RGS9BP: variants seen among roughly 807,000 people sequenced by gnomAD.
RGS9BP encodes the protein regulator of G protein signaling 9-binding protein.
Under a neutral mutation model 3.8 loss-of-function variants are expected in RGS9BP, and 1 was observed. The ratio of observed to expected loss-of-function variants is 0.26; its 90% CI spans 0.09 to 1.24. The LOEUF (loss-of-function observed/expected upper bound fraction) is 1.24, where lower values mean the gene tolerates loss of function less well. Ranked by LOEUF, RGS9BP falls within the 50% of genes most tolerant of loss-of-function variation. The pLI is 0.48. For synonymous variants in RGS9BP, 200 were observed against 177.8 expected (o/e 1.13, Z -1.00); for missense variants, 363 against 344.3 (o/e 1.05, Z -0.43).
rs1259517094 is a variant in RGS9BP at position 32,676,583 on chromosome 19, C to G, written c.320C>G (p.Ala107Gly). ...CTGGGCGCCGCGTTCCCGCTGCACG[C>G]GCCGCGGCGGCCGCTGGTGCGCACA... ...LELGAAFPLH[A>G]PRRPLVRTGV... The change falls in exon 1 of 1, where the codon GCG becomes GGG. Residue 107 changes from alanine (A) to glycine (G), a missense_variant. Ala to Gly is a moderately conservative substitution (Grantham distance 60). Coordinates refer to ENST00000334176, the MANE Select transcript of RGS9BP (RefSeq NM_207391.3). The G allele has an allele frequency of 7.1e-7, 1 of 1,400,546 alleles. No individual in the cohort carries two copies. The highest frequency in any genetic ancestry group is 3.6e-5 in the Admixed American group (1 of 27,650). The allele number at this position is 1,400,546 out of a possible 1,614,324, so 86.8% of individuals were successfully genotyped here. A position where few individuals can be genotyped will look rare whatever the true frequency, so the allele number is the denominator to read the frequency against.
At position 32,675,914 on chromosome 19, in the gene RGS9BP, T is replaced by G. The variant is rs1020147102; in HGVS notation, c.-350T>G. The G allele has an allele frequency of 9.0e-5, 20 of 221,952 alleles. No homozygotes were observed. Among genetic ancestry groups the G allele is most frequent in the African/African-American group, 4.1e-4 (18 of 43,684 alleles). The allele number at this position is 221,952 out of a possible 1,614,324, so 13.7% of individuals were successfully genotyped here. A position where few individuals can be genotyped will look rare whatever the true frequency, so the allele number is the denominator to read the frequency against. On this transcript the variant is annotated 5_prime_UTR_variant, in exon 1 of 1. Transcript: ENST00000334176. ...GCTCTGCAGCCTGCTTGCCCCGGAG[T>G]TGGCACCCACGGAGGATGGGGACCG...
Position 32,676,792 on chromosome 19 carries a change from G to C in RGS9BP, c.529G>C (p.Ala177Pro). 6.3e-7 allele frequency: 1 copy of C among 1,586,882 alleles called. No individual in the cohort carries two copies. The change falls in exon 1 of 1, where the codon GCC (alanine) becomes CCC (proline). Residue 177 changes from alanine to proline, a missense_variant. Physicochemically the swap from Ala to Pro is conservative, Grantham distance 27. Coordinates refer to ENST00000334176, the MANE Select transcript of RGS9BP (RefSeq NM_207391.3). Reference sequence around the variant, plus strand: ...CAACGTGCCCCGCTGGACCGTGCAAGCCCGGCAGGCGGCGGGCGCCGAGCT... The same window carrying C: ...CAACGTGCCCCGCTGGACCGTGCAACCCCGGCAGGCGGCGGGCGCCGAGCT... ...KVNVPRWTVQ[A>P]RQAAGAELLS...
In RGS9BP at chr19:32,676,028, C is replaced by T. The variant is rs931435264; in HGVS notation, c.-236C>T. 2.0e-6 allele frequency: 1 copy of T among 511,164 alleles called. No individual in the cohort carries two copies. Among genetic ancestry groups the T allele is most frequent in the Non-Finnish European group, 3.4e-6 (1 of 291,084 alleles). The allele number at this position is 511,164 out of a possible 1,614,324, so 31.7% of individuals were successfully genotyped here. On this transcript the variant is annotated 5_prime_UTR_variant, in exon 1 of 1. The change creates a new upstream start codon in the 5' untranslated region. Coordinates refer to ENST00000334176, the MANE Select transcript of RGS9BP (RefSeq NM_207391.3). ...TCGGAGTGCGCCTGGGGAGGATGGA[C>T]GAGGGAGCGGGGGACCGCTAACGGG...
rs893096775 is a variant in RGS9BP, at chr19:32,678,269, C to CCCG, written c.*1300_*1301insGCC. 1.4e-5 allele frequency: 2 copies of CCCG among 141,090 alleles called. No individual in the cohort carries two copies. The highest frequency in any genetic ancestry group is 5.8e-5 in the African/African-American group (2 of 34,304). 8.7% of individuals were successfully genotyped at this position (141,090 alleles called of 1,614,324 possible). On this transcript the variant is annotated 3_prime_UTR_variant, in exon 1 of 1. Coordinates refer to ENST00000334176, the MANE Select transcript of RGS9BP (RefSeq NM_207391.3). ...CTACTTCTGAAGTTGATAGTCTTCC[C>CCCG]CCCCCCCCACTTTTTTCTTTTTTGA... is the stretch of plus-strand genomic sequence containing the variant.
Position 32,676,156 on chromosome 19 carries a change from C to G in RGS9BP, c.-108C>G. On this transcript the variant is annotated 5_prime_UTR_variant, in exon 1 of 1. Coordinates refer to ENST00000334176, the MANE Select transcript of RGS9BP (RefSeq NM_207391.3). The stretch of plus-strand genomic sequence containing the variant: ...CGAGCGAGTCACGGACCATGAAGAG[C>G]GTTCGTGCCGCGCGGCCCAAGGCCG... 1.4e-6 allele frequency: 1 copy of G among 697,764 alleles called. No homozygotes were observed. Among genetic ancestry groups the G allele is most frequent in the Non-Finnish European group, 2.3e-6 (1 of 435,508 alleles). The allele number at this position is 697,764 out of a possible 1,614,324, so 43.2% of individuals were successfully genotyped here.
At position 32,676,684 on chromosome 19, in the gene RGS9BP, G is replaced by A; in HGVS notation, c.421G>A (p.Asp141Asn). ...TRSLRLEAEG[D>N]FDVADLRELE... is the part of the protein sequence containing the mutation. The stretch of plus-strand genomic sequence containing the variant: ...CAGCCTGCGGCTCGAGGCGGAGGGC[G>A]ACTTCGACGTCGCGGACCTGCGGGA... Residue 141 changes from aspartate to asparagine, a missense_variant, in exon 1 of 1, where the codon GAC (aspartate) becomes AAC (asparagine). By Grantham distance (23) the Asp-to-Asn change is conservative (BLOSUM62 1). Coordinates refer to ENST00000334176, the MANE Select transcript of RGS9BP (RefSeq NM_207391.3). The A allele has an allele frequency of 1.3e-6, 2 of 1,535,802 alleles. No individual in the cohort carries two copies. The highest frequency in any genetic ancestry group is 1.7e-4 in the Middle Eastern group (1 of 5,970).
chr19:32,676,198 C>A lies in RGS9BP; in HGVS notation c.-66C>A. ...CCAAGGCCGGGATGGGGGTTAGCCA[C>A]ATCCTGCCGCGCTGAGGGGGAGGCT... On this transcript the variant is annotated 5_prime_UTR_variant, in exon 1 of 1. Transcript: ENST00000334176. The A allele has an allele frequency of 8.4e-7, 1 of 1,187,694 alleles. No individual in the cohort carries two copies. Among genetic ancestry groups the A allele is most frequent in the Non-Finnish European group, 1.2e-6 (1 of 840,202 alleles). The allele number at this position is 1,187,694 out of a possible 1,614,324, so 73.6% of individuals were successfully genotyped here. A position where few individuals can be genotyped will look rare whatever the true frequency, so the allele number is the denominator to read the frequency against.
Position 32,676,433 on chromosome 19 carries a change from G to T in RGS9BP, c.170G>T (p.Arg57Leu), listed in dbSNP as rs1240152369. The change falls in exon 1 of 1, where the codon CGG becomes CTG. Residue 57 changes from arginine (R) to leucine (L), a missense_variant. Physicochemically the swap from Arg to Leu is moderately radical, Grantham distance 102. Coordinates refer to ENST00000334176, the MANE Select transcript of RGS9BP (RefSeq NM_207391.3). ...AQELAVSTCA[R>L]LTAVLRDRGL... ...GAGCTGGCGGTGTCCACCTGCGCCC[G>T]GCTGACTGCTGTGCTGCGCGACCGG... is the stretch of plus-strand genomic sequence containing the variant. 2.5e-6 allele frequency: 4 copies of T among 1,594,032 alleles called. No homozygotes were observed.
At position 32,677,050 on chromosome 19, in the gene RGS9BP, G is replaced by T; in HGVS notation, c.*79G>T. ...GGGATGGGTGTGGGGTCTGGCCTGT[G>T]CAAGGGGAGTGGTCCTAAAACCCCG... On this transcript the variant is annotated 3_prime_UTR_variant, in exon 1 of 1. Transcript: ENST00000334176. 7.8e-7 allele frequency: 1 copy of T among 1,285,080 alleles called. No individual in the cohort carries two copies. The highest frequency in any genetic ancestry group is 1.1e-6 in the Non-Finnish European group (1 of 903,752). 79.6% of individuals were successfully genotyped at this position (1,285,080 alleles called of 1,614,324 possible).
chr19:32,676,235 G>A lies in RGS9BP; in HGVS notation c.-29G>A, dbSNP rs2145338265. ...CTGAGGGGGAGGCTAACGGGCGCGG[G>A]CGGCCGGGCCCAGCCGGAGCCCACC... is the stretch of plus-strand genomic sequence containing the variant. On this transcript the variant is annotated 5_prime_UTR_variant, in exon 1 of 1. Transcript: ENST00000334176. 1 of 1,520,662 alleles carries A rather than the reference G, an allele frequency of 6.6e-7. No homozygotes were observed. Among genetic ancestry groups the A allele is most frequent in the Non-Finnish European group, 8.9e-7 (1 of 1,118,176 alleles). The allele number at this position is 1,520,662 out of a possible 1,614,324, so 94.2% of individuals were successfully genotyped here.
Position 32,676,393 on chromosome 19 carries a change from C to T in RGS9BP, c.130C>T (p.Arg44Cys). Residue 44 changes from arginine (R) to cysteine (C), a missense_variant, in exon 1 of 1, where the codon CGC becomes TGC. Physicochemically the swap from Arg to Cys is radical, Grantham distance 180. Transcript: ENST00000334176. ...QNLRQELQKT[R>C]QKAQELAVST... ...CCTGCGGCAGGAGCTGCAAAAGACGCGCCAGAAGGCGCAGGAGCTGGCGGT... is the reference window on the plus strand; with the variant it reads ...CCTGCGGCAGGAGCTGCAAAAGACGTGCCAGAAGGCGCAGGAGCTGGCGGT... 6.2e-7 allele frequency: 1 copy of T among 1,609,050 alleles called. No homozygotes were observed.
In RGS9BP at chr19:32,677,017, A is replaced by C. The variant is rs751288475; in HGVS notation, c.*46A>C. 3.3e-6 allele frequency: 5 copies of C among 1,519,454 alleles called. No homozygotes were observed. Among genetic ancestry groups the C allele is most frequent in the Middle Eastern group, 2.3e-4 (1 of 4,380 alleles). 94.1% of individuals were successfully genotyped at this position (1,519,454 alleles called of 1,614,324 possible). On this transcript the variant is annotated 3_prime_UTR_variant, in exon 1 of 1. Coordinates refer to ENST00000334176, the MANE Select transcript of RGS9BP (RefSeq NM_207391.3). ...GCTGCTGCCGCTCCCTCCCCTGAGA[A>C]AAGACTCGGGATGGGTGTGGGGTCT...
chr19:32,676,913 T>C lies in RGS9BP; in HGVS notation c.650T>C (p.Phe217Ser). The change falls in exon 1 of 1, where the codon TTC becomes TCC. Residue 217 changes from phenylalanine to serine, a missense_variant. Physicochemically the swap from Phe to Ser is radical, Grantham distance 155. Transcript: ENST00000334176. ...DPRKALAAIL[F>S]GAVLLAAVAL... ...AGGAAGGCCCTGGCCGCCATCCTTT[T>C]CGGCGCCGTGCTGCTGGCGGCTGTG... 1 of 1,601,610 alleles carries C rather than the reference T, an allele frequency of 6.2e-7. No homozygotes were observed. The highest frequency in any genetic ancestry group is 8.5e-7 in the Non-Finnish European group (1 of 1,178,304).
Position 32,676,599 on chromosome 19 carries a change from G to A in RGS9BP, c.336G>A (p.Leu112=), listed in dbSNP as rs1568426393. 3 of 1,462,360 alleles carry A rather than the reference G, an allele frequency of 2.1e-6. No individual in the cohort carries two copies. Among genetic ancestry groups the A allele is most frequent in the Non-Finnish European group, 2.7e-6 (3 of 1,116,226 alleles). The allele number at this position is 1,462,360 out of a possible 1,614,324, so 90.6% of individuals were successfully genotyped here. ...AFPLHAPRRP[L]VRTGVAGASS... ...CGCTGCACGCGCCGCGGCGGCCGCT[G>A]GTGCGCACAGGTGTGGCTGGCGCCT... The change falls in exon 1 of 1, where the codon CTG becomes CTA. Residue 112 remains leucine (L), a synonymous_variant. Coordinates refer to ENST00000334176, the MANE Select transcript of RGS9BP (RefSeq NM_207391.3).
chr19:32,676,517 G>T lies in RGS9BP; in HGVS notation c.254G>T (p.Cys85Phe). ...FERLWVAFSG[C>F]LDLLEADMRR... ...CGGCTCTGGGTGGCCTTCTCGGGCT[G>T]CCTGGACCTGCTGGAAGCGGACATG... Residue 85 changes from cysteine (C) to phenylalanine (F), a missense_variant, in exon 1 of 1, where the codon TGC (cysteine) becomes TTC (phenylalanine). Cys to Phe is a radical substitution (Grantham distance 205). Coordinates refer to ENST00000334176, the MANE Select transcript of RGS9BP (RefSeq NM_207391.3). The T allele has an allele frequency of 2.0e-6, 3 of 1,522,488 alleles. No homozygotes were observed. Among genetic ancestry groups the T allele is most frequent in the Non-Finnish European group, 2.6e-6 (3 of 1,142,262 alleles). 94.3% of individuals were successfully genotyped at this position (1,522,488 alleles called of 1,614,324 possible).
At position 32,677,176 on chromosome 19, in the gene RGS9BP, A is replaced by G. The variant is rs114702370; in HGVS notation, c.*205A>G. The G allele has an allele frequency of 9.9e-3, 6,182 of 621,834 alleles. 285 individuals carry two copies. The African/African-American group carries it at 0.1, about 10-fold the overall frequency. 38.5% of individuals were successfully genotyped at this position (621,834 alleles called of 1,614,324 possible). On this transcript the variant is annotated 3_prime_UTR_variant, in exon 1 of 1. Coordinates refer to ENST00000334176, the MANE Select transcript of RGS9BP (RefSeq NM_207391.3). ...AGGAGTTAACTTTGCGCCGGCCGTC[A>G]GGGCATTACCGCTAACGTCTGCAGG...
At position 32,676,359 on chromosome 19, in the gene RGS9BP, C is replaced by A; in HGVS notation, c.96C>A (p.Asp32Glu). The change falls in exon 1 of 1, where the codon GAC (aspartate) becomes GAA (glutamate). Residue 32 changes from aspartate to glutamate, a missense_variant. Coordinates refer to ENST00000334176, the MANE Select transcript of RGS9BP (RefSeq NM_207391.3). ...HLVLTVGGSA[D>E]SQNLRQELQK... ...TGCTGACCGTCGGTGGCTCGGCGGACTCGCAGAACCTGCGGCAGGAGCTGC... is the reference window on the plus strand; with the variant it reads ...TGCTGACCGTCGGTGGCTCGGCGGAATCGCAGAACCTGCGGCAGGAGCTGC... 6.2e-7 allele frequency: 1 copy of A among 1,611,564 alleles called. No individual in the cohort carries two copies. Among genetic ancestry groups the A allele is most frequent in the South Asian group, 1.1e-5 (1 of 90,968 alleles).
chr19:32,676,846 T>G lies in RGS9BP; in HGVS notation c.583T>G (p.Ser195Ala), dbSNP rs777069518. Residue 195 changes from serine (S) to alanine (A), a missense_variant, in exon 1 of 1, where the codon TCG becomes GCG. By Grantham distance (99) the Ser-to-Ala change is moderately conservative (BLOSUM62 1). Coordinates refer to ENST00000334176, the MANE Select transcript of RGS9BP (RefSeq NM_207391.3). ...LLSTVSAGPSSVVSLQERGGG... is the reference protein window; with the variant it reads ...LLSTVSAGPSAVVSLQERGGG... ...GTCCACGGTCAGCGCCGGCCCCTCC[T>G]CGGTCGTGTCCTTGCAGGAGCGCGG... is the stretch of plus-strand genomic sequence containing the variant. 6.7e-5 allele frequency: 106 copies of G among 1,589,512 alleles called. No individual in the cohort carries two copies. The Middle Eastern group carries it at 1.2e-3, about 17-fold the overall frequency.
Position 32,676,618 on chromosome 19 carries a change from G to A in RGS9BP, c.355G>A (p.Gly119Ser). 1 of 1,528,380 alleles carries A rather than the reference G, an allele frequency of 6.5e-7. No homozygotes were observed. The highest frequency in any genetic ancestry group is 8.7e-7 in the Non-Finnish European group (1 of 1,143,180). The allele number at this position is 1,528,380 out of a possible 1,614,324, so 94.7% of individuals were successfully genotyped here. A position where few individuals can be genotyped will look rare whatever the true frequency, so the allele number is the denominator to read the frequency against. The stretch of plus-strand genomic sequence containing the variant: ...GCCGCTGGTGCGCACAGGTGTGGCT[G>A]GCGCCTCCTCCGGCGTGGCGGCGCG... ...RRPLVRTGVA[G>S]ASSGVAARAL... Residue 119 changes from glycine (G) to serine (S), a missense_variant, in exon 1 of 1, where the codon GGC becomes AGC. Coordinates refer to ENST00000334176, the MANE Select transcript of RGS9BP (RefSeq NM_207391.3).
Sources: gnomAD v4.1 joint callset for allele counts on GRCh38, gnomAD v4.1.1 for gene constraint, MANE v1.5 for transcripts, NCBI Gene and HGNC (gene_info 2026-07-23, HGNC 2026-07-21) for gene names.